The following UST variants were observed in gnomAD, a reference collection of about 807,000 sequenced individuals.
The protein encoded by UST is uronyl 2-sulfotransferase, also known as chondroitin sulfate 2-O-sulfotransferase.
Under a neutral mutation model 45.6 loss-of-function variants are expected in UST, and 21 were observed. The observed-to-expected ratio is 0.46, with a 90% CI of 0.33 to 0.66. The LOEUF (loss-of-function observed/expected upper bound fraction) is 0.66, where lower values mean the gene tolerates loss of function less well. Among genes scored for constraint, UST ranks in the 30% least tolerant of loss-of-function variants. UST has a pLI of 0.02. For synonymous variants in UST, 215 were observed against 200.6 expected (o/e 1.07, Z -0.61); for missense variants, 463 against 512.4 (o/e 0.90, Z 0.93).
intron 1 of UST, among the ~76,000 whole-genome samples, chr6:148,837,623 A>G (rs552032950): frequency 1.3e-5 from 2 of 152,350 alleles, no homozygotes; most frequent in Non-Finnish European, 2.9e-5. Context: ...TTAAATGCCT[A>G]CCAAGTACAA....
intron 1 of UST, among the ~76,000 whole-genome samples, chr6:148,771,699 A>G (rs1040750290): frequency 2.0e-4 from 30 of 152,198 alleles, no homozygotes; most frequent in African/African-American, 5.5e-4. Context: ...CCATGCCCCA[A>G]CTGAGCCTGT....
chr6:148,747,366 T>C lies in UST; in HGVS notation c.-65T>C. ...GTGCAGCCGGCCAGCCGGGCTCTCCTCCTCGCGGCGGATGGGTGACCTTTT... is the reference window on the plus strand; with the variant it reads ...GTGCAGCCGGCCAGCCGGGCTCTCCCCCTCGCGGCGGATGGGTGACCTTTT... On this transcript the variant is annotated 5_prime_UTR_variant, in exon 1 of 8. Coordinates refer to ENST00000367463, the MANE Select transcript of UST (RefSeq NM_005715.3). The C allele has an allele frequency of 1.2e-5, 16 of 1,360,608 alleles. No homozygotes were observed. The highest frequency in any genetic ancestry group is 1.5e-5 in the Non-Finnish European group (16 of 1,051,744). The allele number at this position is 1,360,608 out of a possible 1,614,324, so 84.3% of individuals were successfully genotyped here. A position where few individuals can be genotyped will look rare whatever the true frequency, so the allele number is the denominator to read the frequency against.
At chr6:148,963,249 C>T (rs576169682) in intron 4 of UST, among the ~76,000 whole-genome samples, 2 of 152,266 alleles carry the variant, frequency 1.3e-5, no homozygotes, top group Non-Finnish European at 2.9e-5. Flanking sequence ...AGTTTGTTTT[C>T]TCTTAGTTCT....
chr6:148,916,208 T>C (rs773783057), intron 2 of UST, among the ~76,000 whole-genome samples: 1 of 152,178 alleles, frequency 6.6e-6, no homozygotes, highest in Non-Finnish European at 1.5e-5. Context: ...GGCCATAATA[T>C]TGGCGTTATT....
intron 1 of UST, among the ~76,000 whole-genome samples, chr6:148,799,020 C>G (rs990450191): frequency 1.3e-5 from 2 of 152,104 alleles, no homozygotes; most frequent in Admixed American, 1.3e-4. Flanking sequence ...CAGGCATGCA[C>G]CACCATGCCC....
chr6:148,995,602 G>C (rs1295226659), intron 5 of UST, among the ~76,000 whole-genome samples: 3 of 152,226 alleles, frequency 2.0e-5, no homozygotes, highest in African/African-American at 7.2e-5. Context: ...AGACAGTGGG[G>C]CATAAACCAG....
intron 2 of UST, among the ~76,000 whole-genome samples, chr6:148,893,838 G>A (rs1409403540): frequency 6.6e-6 from 1 of 152,148 alleles, no homozygotes; most frequent in Admixed American, 6.5e-5. Context: ...GTTTGAATAG[G>A]AGGAACTAAC....
intron 5 of UST, among the ~76,000 whole-genome samples, chr6:148,965,286 A>G (rs536742199): frequency 1.1e-4 from 16 of 152,178 alleles, no homozygotes; most frequent in East Asian, 1.9e-4. Context: ...AACGAAAGGT[A>G]CATTTCCCAT....
intron 1 of UST, among the ~76,000 whole-genome samples, chr6:148,807,515 G>C (rs1374005427): frequency 6.6e-6 from 1 of 152,106 alleles, no homozygotes; most frequent in Admixed American, 6.6e-5. Context: ...TAGTATGTGT[G>C]CAGTAAATAC....
At chr6:148,897,968 T>C (rs1415665707) in intron 2 of UST, among the ~76,000 whole-genome samples, 1 of 152,164 alleles carries the variant, frequency 6.6e-6, no homozygotes, top group East Asian at 1.9e-4. Flanking sequence ...AAGAATATAT[T>C]GTTCTCTGTT....
At chr6:148,946,492 C>G (rs1780238505) in intron 3 of UST, among the ~76,000 whole-genome samples, 1 of 120,238 alleles carries the variant, frequency 8.3e-6, no homozygotes, top group Admixed American at 1.1e-4. Context: ...GCCTGGGCGA[C>G]AGAGCAAGAC....
At chr6:148,908,141 A>C (rs938821594) in intron 2 of UST, among the ~76,000 whole-genome samples, 1 of 152,016 alleles carries the variant, frequency 6.6e-6, no homozygotes, top group Non-Finnish European at 1.5e-5. Flanking sequence ...ACTCCTGACC[A>C]GGGTCTCATT....
At chr6:149,004,127 T>C (rs1374153292) in intron 5 of UST, among the ~76,000 whole-genome samples, 1 of 152,146 alleles carries the variant, frequency 6.6e-6, no homozygotes, top group Non-Finnish European at 1.5e-5. Context: ...ATATTGAATA[T>C]AGTATTTAAT....
rs1385222043 is a variant in UST at position 149,074,136 on chromosome 6, T to A, written c.*20T>A. 1.2e-6 allele frequency: 2 copies of A among 1,605,896 alleles called. No individual in the cohort carries two copies. Among genetic ancestry groups the A allele is most frequent in the East Asian group, 4.5e-5 (2 of 44,736 alleles). ...AGGTGATGTGACTGTGTTGCCTCTA[T>A]GGCTTTATCTCCCTTTTCCAGAAAG... On this transcript the variant is annotated 3_prime_UTR_variant, in exon 8 of 8. Coordinates refer to ENST00000367463, the MANE Select transcript of UST (RefSeq NM_005715.3).
chr6:148,965,342 C>T (rs1780767419), intron 5 of UST, among the ~76,000 whole-genome samples: 1 of 152,148 alleles, frequency 6.6e-6, no homozygotes. Flanking sequence ...GCCTGGTGCC[C>T]AGGAGGCTGA....
chr6:148,948,991 A>T (rs1780303308), intron 3 of UST, among the ~76,000 whole-genome samples: 1 of 152,152 alleles, frequency 6.6e-6, no homozygotes, highest in African/African-American at 2.4e-5. Context: ...TACAGTAGGG[A>T]TAATAATACT....
intron 1 of UST, among the ~76,000 whole-genome samples, chr6:148,842,794 G>A (rs188349569): frequency 6.6e-6 from 1 of 152,276 alleles, no homozygotes; most frequent in African/African-American, 2.4e-5. Context: ...GCCCTCGTCT[G>A]TATATTTTAA....
intron 1 of UST, among the ~76,000 whole-genome samples, chr6:148,749,291 A>G (rs1421328327): frequency 6.6e-6 from 1 of 152,130 alleles, no homozygotes; most frequent in Non-Finnish European, 1.5e-5. Context: ...AGTTAACAGT[A>G]TTTTCATCAC....
intron 7 of UST, among the ~76,000 whole-genome samples, chr6:149,039,250 G>A (rs545503006): frequency 6.6e-6 from 1 of 152,066 alleles, no homozygotes; most frequent in Non-Finnish European, 1.5e-5. Context: ...TTTTGAGATG[G>A]AGTTTCACTC....
Sources: allele counts gnomAD v4.1 joint callset (sites outside exome capture counted in the v4.1 genomes callset), GRCh38; gene constraint gnomAD v4.1.1; transcripts MANE v1.5; gene names NCBI Gene and HGNC (gene_info 2026-07-23, HGNC 2026-07-21).